The following SPOCK1 variants were observed in gnomAD, a reference collection of about 807,000 sequenced individuals.
The protein encoded by SPOCK1 is SPARC (osteonectin), cwcv and kazal like domains proteoglycan 1.
SPOCK1 carries 23 observed loss-of-function variants against 55.3 expected under a neutral mutation model. That is an observed-to-expected ratio of 0.42 (90% CI 0.30 to 0.59). The LOEUF is 0.59. SPOCK1 is among the 20% of genes least tolerant of loss of function. SPOCK1 has a pLI of 0.22. For missense variants in SPOCK1, 499 were observed against 552.5 expected (o/e 0.90, Z 0.97); for synonymous variants, 226 against 221.0 (o/e 1.02, Z -0.20).
intron 4 of SPOCK1, among the ~76,000 whole-genome samples, chr5:137,113,000 T>C (rs972718082): frequency 6.6e-6 from 1 of 152,194 alleles, no homozygotes. Flanking sequence ...GGCAACTCAA[T>C]GAGCGCTTTA....
At chr5:137,114,145 G>A (rs1753529786) in intron 4 of SPOCK1, among the ~76,000 whole-genome samples, 1 of 152,114 alleles carries the variant, frequency 6.6e-6, no homozygotes, top group Non-Finnish European at 1.5e-5. Flanking sequence ...TCCTAGGCTG[G>A]GCAGGCCACA....
chr5:137,148,279 C>T (rs995857983), intron 3 of SPOCK1, among the ~76,000 whole-genome samples: 22 of 152,180 alleles, frequency 1.4e-4, no homozygotes, highest in Non-Finnish European at 2.9e-5. Context: ...TGCTCACATG[C>T]AAAGCAAGAC....
chr5:137,179,213 G>C (rs1383859790), intron 3 of SPOCK1, among the ~76,000 whole-genome samples: 1 of 152,146 alleles, frequency 6.6e-6, no homozygotes, highest in East Asian at 1.9e-4. Flanking sequence ...AAAGGGACTG[G>C]TTTCTACCCA....
intron 4 of SPOCK1, among the ~76,000 whole-genome samples, chr5:137,121,447 A>G (rs1269213332): frequency 1.3e-5 from 2 of 152,008 alleles, no homozygotes; most frequent in Admixed American, 1.3e-4. Flanking sequence ...GAAAACAGTA[A>G]GAAGAAAATG....
chr5:137,167,550 A>C (rs1754672719), intron 3 of SPOCK1, among the ~76,000 whole-genome samples: 1 of 152,134 alleles, frequency 6.6e-6, no homozygotes, highest in Non-Finnish European at 1.5e-5. Context: ...ATTCTCAAGG[A>C]TGGACCTTTT....
intron 3 of SPOCK1, among the ~76,000 whole-genome samples, chr5:137,228,133 C>T (rs1755981170): frequency 6.6e-6 from 1 of 152,178 alleles, no homozygotes; most frequent in South Asian, 2.1e-4. Context: ...ATGACTTAAG[C>T]CCCAGGACTC....
At chr5:136,991,481 C>G in intron 7 of SPOCK1, among the ~76,000 whole-genome samples, 1 of 152,168 alleles carries the variant, frequency 6.6e-6, no homozygotes, top group East Asian at 1.9e-4. Context: ...AAACCAGATG[C>G]TAGTCAAACT....
intron 9 of SPOCK1, among the ~76,000 whole-genome samples, chr5:136,981,054 AGT>A (rs1384260727): frequency 6.6e-6 from 1 of 152,140 alleles, no homozygotes; most frequent in African/African-American, 2.4e-5. Context: ...TGGTTCTCAA[AGT>A]GAGGTTCCAG....
intron 2 of SPOCK1, among the ~76,000 whole-genome samples, chr5:137,434,614 C>T (rs1380213968): frequency 6.7e-6 from 1 of 150,326 alleles, no homozygotes; most frequent in East Asian, 2.0e-4. Flanking sequence ...ATTCTCCTGC[C>T]TCAGCCTCCC....
intron 2 of SPOCK1, among the ~76,000 whole-genome samples, chr5:137,416,497 A>T (rs1028000010): frequency 2.0e-5 from 3 of 152,144 alleles, no homozygotes; most frequent in African/African-American, 7.2e-5. Context: ...CTTTTAGTTA[A>T]GCAGAGGAGC....
At chr5:137,417,857 G>A (rs1752377221) in intron 2 of SPOCK1, among the ~76,000 whole-genome samples, 2 of 152,206 alleles carry the variant, frequency 1.3e-5, no homozygotes, top group Non-Finnish European at 2.9e-5. Context: ...ACAACGTGCA[G>A]GTTTGTTACA....
At chr5:137,026,074 G>A (rs571476701) in intron 6 of SPOCK1, among the ~76,000 whole-genome samples, 3 of 152,210 alleles carry the variant, frequency 2.0e-5, no homozygotes, top group Admixed American at 6.5e-5. Flanking sequence ...TGCAAGAGGC[G>A]AGATTCTATA....
In SPOCK1 at chr5:137,337,228, C is replaced by T. The variant is rs144970711; in HGVS notation, c.187-70173G>A. Among the ~76,000 whole-genome samples the T allele has an allele frequency of 7.0e-3, 1,064 of 152,240 alleles. 15 individuals carry two copies. The highest frequency in any genetic ancestry group is 9.1e-3 in the Non-Finnish European group (618 of 68,012). On this transcript the variant is annotated intron_variant, in intron 2 of 10. Coordinates refer to ENST00000394945, the MANE Select transcript of SPOCK1 (RefSeq NM_004598.4). ...GTATCTCCAGGGAGCAGGTAACGAC[C>T]CCATTTGGCAGATACATCAAGCCTA...
At chr5:137,131,986 A>AT (rs1163580153) in intron 4 of SPOCK1, among the ~76,000 whole-genome samples, 5 of 45,956 alleles carry the variant, frequency 1.1e-4, no homozygotes, top group East Asian at 3.3e-4. Flanking sequence ...AAAAAAAAAA[A>AT]AAAATATATA....
At chr5:137,237,584 A>C (rs1756203974) in intron 3 of SPOCK1, among the ~76,000 whole-genome samples, 1 of 152,246 alleles carries the variant, frequency 6.6e-6, no homozygotes, top group South Asian at 2.1e-4. Context: ...TTTTGTAAAC[A>C]AGACATGTGG....
Position 137,037,574 on chromosome 5 carries a change from A to AAAGT in SPOCK1, c.589+30137_589+30140dup, listed in dbSNP as rs1446675242. Among the ~76,000 whole-genome samples, 3 of 152,326 alleles carry AAAGT rather than the reference A, an allele frequency of 2.0e-5. No individual in the cohort carries two copies. The East Asian group carries it at 5.8e-4, about 29-fold the overall frequency. ...TAACATCTAAGTGGTTTAGGATAAG[A>AAAGT]AAGTGTATAATCACCACTGTCCTCT... On this transcript the variant is annotated intron_variant, in intron 6 of 10. Coordinates refer to ENST00000394945, the MANE Select transcript of SPOCK1 (RefSeq NM_004598.4).
rs1425864475 is a variant in SPOCK1 at position 137,057,233 on chromosome 5, C to T, written c.589+10482G>A. On this transcript the variant is annotated intron_variant, in intron 6 of 10. Coordinates refer to ENST00000394945, the MANE Select transcript of SPOCK1 (RefSeq NM_004598.4). ...CAAGCAGGAGGGCCTTAGAGGTGACCTTTCTGGGACTAGGAGAGGAACACA... is the reference window on the plus strand; with the variant it reads ...CAAGCAGGAGGGCCTTAGAGGTGACTTTTCTGGGACTAGGAGAGGAACACA... Among the ~76,000 whole-genome samples, 3 of 151,988 alleles carry T rather than the reference C, an allele frequency of 2.0e-5. 1 individual carries two copies. Among genetic ancestry groups the T allele is most frequent in the African/African-American group, 7.2e-5 (3 of 41,392 alleles).
chr5:137,277,904 T>C (rs1757099294), intron 2 of SPOCK1, among the ~76,000 whole-genome samples: 1 of 152,106 alleles, frequency 6.6e-6, no homozygotes, highest in African/African-American at 2.4e-5. Context: ...TCTCCTGCCT[T>C]TGTGTGCCCT....
At chr5:137,325,200 G>T (rs1758054552) in intron 2 of SPOCK1, among the ~76,000 whole-genome samples, 1 of 152,072 alleles carries the variant, frequency 6.6e-6, no homozygotes, top group Non-Finnish European at 1.5e-5. Flanking sequence ...GAAAATAAAA[G>T]TTTTTGATTG....
Sources: gnomAD v4.1 joint callset for allele counts (sites outside exome capture counted in the v4.1 genomes callset) on GRCh38, gnomAD v4.1.1 for gene constraint, MANE v1.5 for transcripts, NCBI Gene and HGNC (gene_info 2026-07-23, HGNC 2026-07-21) for gene names.